KCNS3: variants seen among roughly 807,000 people sequenced by gnomAD.
KCNS3 encodes delayed-rectifier potassium channel regulatory subunit KCNS3.
A neutral mutation model predicts 31.0 loss-of-function variants in KCNS3; 13 were observed. The observed-to-expected ratio is 0.42, with a 90% CI of 0.27 to 0.67. The LOEUF (loss-of-function observed/expected upper bound fraction) is 0.67. KCNS3 is among the 30% of genes least tolerant of loss of function. KCNS3 has a pLI of 0.25. For synonymous variants in KCNS3, 238 were observed against 241.5 expected (o/e 0.99, Z 0.13); for missense variants, 545 against 622.4 (o/e 0.88, Z 1.32).
In KCNS3 at chr2:17,888,631, A is replaced by ATATCTATC. The variant is rs199928504; in HGVS notation, c.-252+9828_-252+9829insCTATCTAT. On this transcript the variant is annotated intron_variant, in intron 1 of 2. Coordinates refer to ENST00000304101, the MANE Select transcript of KCNS3 (RefSeq NM_002252.5). ...ACTTAAAGTATAATAAAAAAAATGT[A>ATATCTATC]TATATATATATATATATATATATAT... Among the ~76,000 whole-genome samples, 139 of 30,422 alleles carry ATATCTATC rather than the reference A, an allele frequency of 4.6e-3. 4 individuals are homozygous for ATATCTATC. Among genetic ancestry groups the ATATCTATC allele is most frequent in the East Asian group, 0.026 (43 of 1,650 alleles). 20.0% of individuals were successfully genotyped at this position (30,422 alleles called of 152,430 possible).
chr2:17,915,668 G>A (rs10169199), intron 1 of KCNS3, among the ~76,000 whole-genome samples: 139,523 of 152,242 alleles, frequency 0.92, 64,114 homozygotes, highest in East Asian at 0.99. Context: ...GGAGATGTGT[G>A]TAAAAATCCT....
intron 2 of KCNS3, among the ~76,000 whole-genome samples, chr2:17,924,839 T>A (rs922526980): frequency 1.3e-5 from 2 of 152,210 alleles, no homozygotes; most frequent in Admixed American, 1.3e-4. Context: ...AGTTTTGGTA[T>A]TAGGAGAATA....
chr2:17,900,612 C>T (rs1389128639), intron 1 of KCNS3, among the ~76,000 whole-genome samples: 1 of 152,120 alleles, frequency 6.6e-6, no homozygotes, highest in Non-Finnish European at 1.5e-5. Context: ...GCCTTAGCCT[C>T]CTGAATAGCT....
At chr2:17,911,289 C>G (rs1388450080) in intron 1 of KCNS3, among the ~76,000 whole-genome samples, 1 of 152,124 alleles carries the variant, frequency 6.6e-6, no homozygotes, top group Non-Finnish European at 1.5e-5. Flanking sequence ...ATCTTTTGTC[C>G]TTGGTAGTTC....
At chr2:17,879,637 T>A (rs1572472902) in intron 1 of KCNS3, among the ~76,000 whole-genome samples, 1 of 152,170 alleles carries the variant, frequency 6.6e-6, no homozygotes, top group Non-Finnish European at 1.5e-5. Context: ...GCGGCGAGCC[T>A]GGCTGGGCGC....
chr2:17,893,972 A>G (rs776292622), intron 1 of KCNS3, among the ~76,000 whole-genome samples: 60 of 96,768 alleles, frequency 6.2e-4, no homozygotes, highest in Non-Finnish European at 9.2e-4. Flanking sequence ...TTTTTAATAT[A>G]TCTATGTATG....
Position 17,890,381 on chromosome 2 carries a change from G to A in KCNS3, c.-252+11575G>A, listed in dbSNP as rs1661817262. Among the ~76,000 whole-genome samples, 5 of 123,930 alleles carry A rather than the reference G, an allele frequency of 4.0e-5. No individual in the cohort carries two copies. The Admixed American group carries it at 4.8e-4, about 12-fold the overall frequency. The allele number at this position is 123,930 out of a possible 152,430, so 81.3% of individuals were successfully genotyped here. On this transcript the variant is annotated intron_variant, in intron 1 of 2. Coordinates refer to ENST00000304101, the MANE Select transcript of KCNS3 (RefSeq NM_002252.5). ...TATCTTTTCAAAGAACCAGCTTTTT[G>A]TTTCATTTATCTTTTGTATTTTTTT...
At chr2:17,923,230 C>T (rs1662760526) in intron 2 of KCNS3, among the ~76,000 whole-genome samples, 1 of 152,128 alleles carries the variant, frequency 6.6e-6, no homozygotes, top group Non-Finnish European at 1.5e-5. Flanking sequence ...TGATGTTGAG[C>T]ATCTTTTCAA....
chr2:17,911,677 A>G (rs1422601043), intron 1 of KCNS3, among the ~76,000 whole-genome samples: 1 of 152,216 alleles, frequency 6.6e-6, no homozygotes. Context: ...AGATAGGATC[A>G]TGCTATATAT....
rs1221716261 is a variant in KCNS3 at position 17,931,569 on chromosome 2, C to T, written c.561C>T (p.Ile187=). ...NPAYCLSAKL[I]AISSLSVVLA... Reference sequence around the variant, plus strand: ...CGTACTGCCTGTCCGCTAAGCTTATCGCTATCTCCTCCTTGAGCGTGGTGC... The same window carrying T: ...CGTACTGCCTGTCCGCTAAGCTTATTGCTATCTCCTCCTTGAGCGTGGTGC... The change falls in exon 3 of 3, where the codon ATC becomes ATT. Residue 187 remains isoleucine (I), a synonymous_variant. Transcript: ENST00000304101. The surrounding 1 kb of genome is among the most constrained non-coding windows in gnomAD (Gnocchi z 5.4). 2 of 1,614,184 alleles carry T rather than the reference C, an allele frequency of 1.2e-6. No homozygotes were observed. The highest frequency in any genetic ancestry group is 1.1e-5 in the South Asian group (1 of 91,074).
intron 1 of KCNS3, among the ~76,000 whole-genome samples, chr2:17,913,004 G>T (rs1194106941): frequency 6.6e-6 from 1 of 152,130 alleles, no homozygotes; most frequent in Non-Finnish European, 1.5e-5. Context: ...TCTTAGTCAT[G>T]CCCTGTCTGA....
intron 1 of KCNS3, among the ~76,000 whole-genome samples, chr2:17,891,876 CT>C (rs1375788263): frequency 6.6e-6 from 1 of 152,118 alleles, no homozygotes; most frequent in Non-Finnish European, 1.5e-5. Context: ...TTTGTCTCAG[CT>C]TTGGGTAACC....
chr2:17,903,707 G>A (rs976616028), intron 1 of KCNS3, among the ~76,000 whole-genome samples: 1 of 151,692 alleles, frequency 6.6e-6, no homozygotes, highest in African/African-American at 2.4e-5. Context: ...AACATGCGGT[G>A]TTTGGTTTTT....
chr2:17,929,917 G>A (rs1662917960), intron 2 of KCNS3, among the ~76,000 whole-genome samples: 1 of 152,174 alleles, frequency 6.6e-6, no homozygotes, highest in Non-Finnish European at 1.5e-5. Context: ...AGGACTGAAT[G>A]ACATAATGTG....
Position 17,931,073 on chromosome 2 carries a change from G to A in KCNS3, c.65G>A (p.Gly22Glu). ...QDEELVNLNV[G>E]GFKQSVDQST... Reference sequence around the variant, plus strand: ...GAGGAACTTGTCAACCTGAATGTGGGGGGCTTTAAGCAGTCTGTTGACCAA... The same window carrying A: ...GAGGAACTTGTCAACCTGAATGTGGAGGGCTTTAAGCAGTCTGTTGACCAA... Residue 22 changes from glycine (G) to glutamate (E), a missense_variant, in exon 3 of 3, where the codon GGG becomes GAG. Transcript: ENST00000304101. The surrounding 1 kb of genome is among the most constrained non-coding windows in gnomAD (Gnocchi z 5.4). The A allele has an allele frequency of 1.9e-6, 3 of 1,614,098 alleles. No homozygotes were observed. Among genetic ancestry groups the A allele is most frequent in the Non-Finnish European group, 2.5e-6 (3 of 1,180,002 alleles).
intron 1 of KCNS3, among the ~76,000 whole-genome samples, chr2:17,879,155 G>A (rs1199685767): frequency 1.3e-5 from 2 of 152,228 alleles, no homozygotes; most frequent in African/African-American, 4.8e-5. Flanking sequence ...ATGGTCAGGG[G>A]GAGGACCACC....
chr2:17,881,672 T>A (rs1176760519), intron 1 of KCNS3, among the ~76,000 whole-genome samples: 4 of 152,206 alleles, frequency 2.6e-5, no homozygotes, highest in Non-Finnish European at 4.4e-5. Context: ...TAGGATTCTA[T>A]CCCTTGCAGT....
At chr2:17,928,796 T>C (rs1180205308) in intron 2 of KCNS3, among the ~76,000 whole-genome samples, 2 of 152,206 alleles carry the variant, frequency 1.3e-5, no homozygotes, top group Non-Finnish European at 2.9e-5. Flanking sequence ...TGCCCACTTT[T>C]ACAGACTAGA....
chr2:17,912,402 C>T (rs1003637105), intron 1 of KCNS3, among the ~76,000 whole-genome samples: 14 of 152,186 alleles, frequency 9.2e-5, no homozygotes, highest in African/African-American at 3.1e-4. Context: ...GCTAGCCATG[C>T]GGTAGGGAGA....
Sources: allele counts gnomAD v4.1 joint callset (sites outside exome capture counted in the v4.1 genomes callset), GRCh38; gene constraint gnomAD v4.1.1; non-coding constraint Gnocchi (gnomAD v3.1); transcripts MANE v1.5; gene names NCBI Gene and HGNC (gene_info 2026-07-23, HGNC 2026-07-21).